The following BLTP3A variants were observed in gnomAD, a reference collection of about 807,000 sequenced individuals.
BLTP3A encodes the protein ICBP90 binding protein 1.
the BLTP3A span, chr6:34,864,003 G>A: frequency 6.3e-7 from 1 of 1,577,142 alleles, no homozygotes; most frequent in Non-Finnish European, 8.6e-7. Context: ...TTTAAACAGG[G>A]AGCCCATGGC....
At chr6:34,819,659 A>G in the BLTP3A span, among the ~76,000 whole-genome samples, 7 of 152,292 alleles carry the variant, frequency 4.6e-5, no homozygotes, top group East Asian at 1.3e-3. Context: ...AGGAATGGAG[A>G]ATAAAAGAGT....
the BLTP3A span, among the ~76,000 whole-genome samples, chr6:34,841,536 A>G: frequency 1.3e-5 from 2 of 152,232 alleles, no homozygotes; most frequent in Non-Finnish European, 2.9e-5. Context: ...CCACATTTCA[A>G]TTGCTCAGTA....
the BLTP3A span, chr6:34,872,280 G>A: frequency 7.6e-5 from 120 of 1,585,888 alleles, no homozygotes; most frequent in Middle Eastern, 1.9e-4. Context: ...TGGTATTACC[G>A]TATTTAACTG....
chr6:34,867,446 A>G, the BLTP3A span: 6 of 1,613,698 alleles, frequency 3.7e-6, no homozygotes, highest in Non-Finnish European at 8.5e-7. Context: ...ACTTAAAACT[A>G]AGAGAATCTC....
chr6:34,801,572 A>C, the BLTP3A span, among the ~76,000 whole-genome samples: 1 of 152,170 alleles, frequency 6.6e-6, no homozygotes, highest in Non-Finnish European at 1.5e-5. Context: ...TCTCACATAA[A>C]GAAGCATTGT....
the BLTP3A span, among the ~76,000 whole-genome samples, chr6:34,845,124 T>A: frequency 1.3e-5 from 2 of 152,214 alleles, no homozygotes; most frequent in Admixed American, 1.3e-4. Flanking sequence ...CTTTCCCCAA[T>A]GTATGTTCTA....
the BLTP3A span, among the ~76,000 whole-genome samples, chr6:34,794,961 TG>T: frequency 6.6e-6 from 1 of 151,820 alleles, no homozygotes; most frequent in Non-Finnish European, 1.5e-5. Flanking sequence ...ATTTTTTTTT[TG>T]TATTTTAGTA....
chr6:34,858,680 C>T, the BLTP3A span: 1 of 1,614,134 alleles, frequency 6.2e-7, no homozygotes, highest in Non-Finnish European at 8.5e-7. Context: ...CATCCGCGGT[C>T]AAAGACTGAA....
the BLTP3A span, among the ~76,000 whole-genome samples, chr6:34,840,709 G>A: frequency 6.6e-6 from 1 of 151,630 alleles, no homozygotes; most frequent in African/African-American, 2.4e-5. Context: ...TCTGCCTCCC[G>A]GGTTCATGCC....
At chr6:34,853,671 C>T in the BLTP3A span, among the ~76,000 whole-genome samples, 3 of 152,074 alleles carry the variant, frequency 2.0e-5, no homozygotes, top group African/African-American at 7.2e-5. Context: ...AGGGATTCTC[C>T]TACCTCAGCC....
the BLTP3A span, among the ~76,000 whole-genome samples, chr6:34,792,791 T>A: frequency 1.3e-5 from 2 of 152,150 alleles, no homozygotes; most frequent in Non-Finnish European, 2.9e-5. Context: ...CCCTGCCCGT[T>A]CTAAATAACC....
the BLTP3A span, among the ~76,000 whole-genome samples, chr6:34,848,516 G>T: frequency 6.6e-6 from 1 of 150,608 alleles, no homozygotes; most frequent in Non-Finnish European, 1.5e-5. Context: ...TGAGGCAGGA[G>T]AATCACTTGA....
the BLTP3A span, among the ~76,000 whole-genome samples, chr6:34,863,046 CA>C: frequency 6.6e-6 from 1 of 151,936 alleles, no homozygotes; most frequent in East Asian, 2.0e-4. Flanking sequence ...AGCTGGACTA[CA>C]GGCGCGCACC....
the BLTP3A span, among the ~76,000 whole-genome samples, chr6:34,797,172 G>A: frequency 6.6e-6 from 1 of 152,186 alleles, no homozygotes; most frequent in Non-Finnish European, 1.5e-5. Flanking sequence ...GGTCCACTGT[G>A]ATGGCATGGA....
At chr6:34,875,389 C>CA in the BLTP3A span, 1 of 152,168 alleles carries the variant, frequency 6.6e-6, no homozygotes, top group South Asian at 2.1e-4. Flanking sequence ...ACGTTAGGCT[C>CA]ACCTGAATTG....
chr6:34,812,908 C>T, the BLTP3A span, among the ~76,000 whole-genome samples: 4 of 152,208 alleles, frequency 2.6e-5, no homozygotes, highest in Admixed American at 6.5e-5. Flanking sequence ...TCTAAACCAA[C>T]TGCTTCAGTG....
At chr6:34,876,235 CCATAT>C in the BLTP3A span, 1 of 152,580 alleles carries the variant, frequency 6.6e-6, no homozygotes, top group Non-Finnish European at 1.5e-5. Flanking sequence ...CTGCTCTTTA[CCATAT>C]ATTTCACCTG....
the BLTP3A span, chr6:34,875,084 A>G: frequency 6.6e-6 from 1 of 152,670 alleles, no homozygotes; most frequent in Admixed American, 6.5e-5. Context: ...TTCTCATAGC[A>G]AATCAGAAAT....
At chr6:34,848,860 G>A in the BLTP3A span, among the ~76,000 whole-genome samples, 1 of 149,848 alleles carries the variant, frequency 6.7e-6, no homozygotes, top group Non-Finnish European at 1.5e-5. Context: ...CATTTAATTT[G>A]GTTTCTGGCC....
Sources: gnomAD v4.1 joint callset for allele counts (sites outside exome capture counted in the v4.1 genomes callset) on GRCh38, gnomAD v4.1.1 for gene constraint, MANE v1.5 for transcripts, NCBI Gene and HGNC (gene_info 2026-07-23, HGNC 2026-07-21) for gene names.